RAB38: variants seen among roughly 807,000 people sequenced by gnomAD.
The protein encoded by RAB38 is ras-related protein Rab-38.
A neutral mutation model predicts 18.4 loss-of-function variants in RAB38; 15 were observed. That is an observed-to-expected ratio of 0.82 (90% CI 0.55 to 1.26). The LOEUF (loss-of-function observed/expected upper bound fraction) is 1.26, where lower values mean the gene tolerates loss of function less well. Among genes scored for constraint, RAB38 ranks in the 50% most tolerant of loss-of-function variants. The pLI is 0.00. For synonymous variants in RAB38, 101 were observed against 104.4 expected (o/e 0.97, Z 0.20); for missense variants, 294 against 267.4 (o/e 1.10, Z -0.69).
chr11:87,904,960 C>T, the RAB38 span, among the ~76,000 whole-genome samples: 1 of 151,630 alleles, frequency 6.6e-6, no homozygotes, highest in Non-Finnish European at 1.5e-5. Flanking sequence ...ACATATTTTT[C>T]CACCATCCCT....
chr11:88,134,739 C>T (rs902205555), intron 2 of RAB38, among the ~76,000 whole-genome samples: 1 of 152,188 alleles, frequency 6.6e-6, no homozygotes, highest in African/African-American at 2.4e-5. Context: ...GATCTGCTTC[C>T]AACCTTTCTC....
At chr11:88,014,300 A>G in the RAB38 span, among the ~76,000 whole-genome samples, 117,122 of 152,036 alleles carry the variant, frequency 0.77, 45,625 homozygotes, top group African/African-American at 0.88. Flanking sequence ...AGTGGAGCAA[A>G]TTAGGATGCA....
chr11:87,825,257 T>G, the RAB38 span, among the ~76,000 whole-genome samples: 1 of 152,042 alleles, frequency 6.6e-6, no homozygotes, highest in Non-Finnish European at 1.5e-5. Flanking sequence ...AAGGAACAAA[T>G]TAAGAAAGGA....
chr11:88,036,814 TTAATA>T, the RAB38 span, among the ~76,000 whole-genome samples: 1 of 152,144 alleles, frequency 6.6e-6, no homozygotes, highest in African/African-American at 2.4e-5. Flanking sequence ...AATAGATTTC[TTAATA>T]TGAGTCTTTA....
chr11:88,155,427 T>C (rs1943113127), intron 1 of RAB38, among the ~76,000 whole-genome samples: 1 of 150,784 alleles, frequency 6.6e-6, no homozygotes, highest in African/African-American at 2.4e-5. Context: ...AAGAAGTACA[T>C]AAGGCTACAG....
chr11:87,832,624 TCA>T, the RAB38 span, among the ~76,000 whole-genome samples: 1 of 152,104 alleles, frequency 6.6e-6, no homozygotes, highest in African/African-American at 2.4e-5. Flanking sequence ...CCCCTATATC[TCA>T]GAGGCAGCAC....
At chr11:87,892,404 G>A in the RAB38 span, among the ~76,000 whole-genome samples, 1 of 151,716 alleles carries the variant, frequency 6.6e-6, no homozygotes, top group Admixed American at 6.6e-5. Context: ...TTTCTCCTGG[G>A]TGGTTGTAAT....
intron 2 of RAB38, among the ~76,000 whole-genome samples, chr11:88,137,971 G>T (rs572713906): frequency 7.6e-4 from 115 of 152,278 alleles, no homozygotes; most frequent in African/African-American, 2.7e-3. Flanking sequence ...TTGTGTGAGG[G>T]TTAGAAAATA....
At chr11:88,053,346 T>A in the RAB38 span, among the ~76,000 whole-genome samples, 2 of 71,290 alleles carry the variant, frequency 2.8e-5, no homozygotes, top group Non-Finnish European at 6.7e-5. Context: ...ATATGGAATA[T>A]ATATATACAC....
At chr11:88,110,131 A>G (rs1942453623), downstream of RAB38, among the ~76,000 whole-genome samples, 1 of 152,220 alleles carries the variant, frequency 6.6e-6, no homozygotes, top group Non-Finnish European at 1.5e-5. Flanking sequence ...ATGCCCATCA[A>G]TGATAGACTG....
the RAB38 span, among the ~76,000 whole-genome samples, chr11:87,943,609 A>T: frequency 6.6e-6 from 1 of 152,144 alleles, no homozygotes; most frequent in Non-Finnish European, 1.5e-5. Context: ...TAACTGCTTT[A>T]TTGGGAGTTT....
At chr11:88,083,236 T>C in the RAB38 span, among the ~76,000 whole-genome samples, 1 of 151,870 alleles carries the variant, frequency 6.6e-6, no homozygotes, top group Non-Finnish European at 1.5e-5. Context: ...TTATACTTTT[T>C]CCCAACTTAC....
At chr11:88,026,288 G>A in the RAB38 span, among the ~76,000 whole-genome samples, 12 of 152,044 alleles carry the variant, frequency 7.9e-5, no homozygotes, top group Admixed American at 5.2e-4. Flanking sequence ...CAACAGCCAG[G>A]TGCGCTGGCT....
At chr11:88,008,086 C>T in the RAB38 span, among the ~76,000 whole-genome samples, 1 of 151,896 alleles carries the variant, frequency 6.6e-6, no homozygotes, top group Middle Eastern at 3.2e-3. Context: ...GAATGACTGG[C>T]AGTGGGCATG....
the RAB38 span, among the ~76,000 whole-genome samples, chr11:88,069,282 C>T: frequency 6.6e-6 from 1 of 152,218 alleles, no homozygotes; most frequent in African/African-American, 2.4e-5. Flanking sequence ...TCAGCCACCT[C>T]CCCACGGGGG....
the RAB38 span, among the ~76,000 whole-genome samples, chr11:87,839,500 A>G: frequency 6.6e-6 from 1 of 152,196 alleles, no homozygotes; most frequent in Admixed American, 6.6e-5. Flanking sequence ...GTGACATAGG[A>G]TCAACAAATC....
At chr11:87,908,528 G>T in the RAB38 span, among the ~76,000 whole-genome samples, 1 of 151,980 alleles carries the variant, frequency 6.6e-6, no homozygotes, top group Non-Finnish European at 1.5e-5. Flanking sequence ...ATGGAGGTCT[G>T]CTTACTTACT....
At chr11:88,134,010 A>C (rs1344446573) in intron 2 of RAB38, among the ~76,000 whole-genome samples, 1 of 152,210 alleles carries the variant, frequency 6.6e-6, no homozygotes, top group African/African-American at 2.4e-5. Flanking sequence ...AGGTAATCTC[A>C]TTCCAAAGGG....
At chr11:87,826,191 G>A in the RAB38 span, among the ~76,000 whole-genome samples, 19 of 152,090 alleles carry the variant, frequency 1.2e-4, no homozygotes, top group African/African-American at 4.3e-4. Context: ...ATCCCCTAGG[G>A]ATGAGGATTC....
Sources: gnomAD v4.1 joint callset for allele counts (sites outside exome capture counted in the v4.1 genomes callset) on GRCh38, gnomAD v4.1.1 for gene constraint, MANE v1.5 for transcripts, NCBI Gene and HGNC (gene_info 2026-07-23, HGNC 2026-07-21) for gene names.